The following BCAS3 variants were observed in gnomAD, a reference collection of about 807,000 sequenced individuals.
BCAS3 encodes BCAS3 microtubule associated cell migration factor.
Under a neutral mutation model 116.1 loss-of-function variants are expected in BCAS3, and 53 were observed. That is an observed-to-expected ratio of 0.46 (90% CI 0.37 to 0.57). The LOEUF (loss-of-function observed/expected upper bound fraction) is 0.57, where lower values mean the gene tolerates loss of function less well. Among genes scored for constraint, BCAS3 ranks in the 20% least tolerant of loss-of-function variants. The pLI, the probability that BCAS3 is intolerant of heterozygous loss-of-function variation, is 0.00. For missense variants in BCAS3, 917 were observed against 1,165.4 expected, an observed-to-expected ratio of 0.79 and a Z score of 3.10; for synonymous variants, 391 against 408.2, an observed-to-expected ratio of 0.96 and a Z score of 0.51.
rs2033679923 is a variant in BCAS3 at position 60,684,168 on chromosome 17, A to G, written c.138+132A>G. On this transcript the variant is annotated intron_variant, in intron 3 of 23. Transcript: ENST00000407086. ...ATGTTTTAGCATCCTGAGCATTCGT[A>G]GGGTGGGACTACATTATTGTTTAGA... 4 of 746,628 alleles carry G rather than the reference A, an allele frequency of 5.4e-6. No individual in the cohort carries two copies. The Admixed American group carries it at 6.5e-5, about 12-fold the overall frequency. The allele number at this position is 746,628 out of a possible 1,614,324, so 46.3% of individuals were successfully genotyped here. A position where few individuals can be genotyped will look rare whatever the true frequency, so the allele number is the denominator to read the frequency against.
chr17:61,252,937 T>G (rs895406914), intron 22 of BCAS3, among the ~76,000 whole-genome samples: 1 of 149,548 alleles, frequency 6.7e-6, no homozygotes, highest in Non-Finnish European at 1.5e-5. Flanking sequence ...TGGAGTGCAG[T>G]GGTGTGATCT....
In BCAS3 at chr17:60,712,774, C is replaced by T. The variant is rs567166533; in HGVS notation, c.321+3449C>T. On this transcript the variant is annotated intron_variant, in intron 5 of 23. Coordinates refer to ENST00000407086, the MANE Select transcript of BCAS3 (RefSeq NM_017679.5). ...TGAGAGCCACATAAAATATGAGACT[C>T]AAAGAAGGGCCAAATGGCTGAAGCT... 3.9e-5 allele frequency among the ~76,000 whole-genome samples: 6 copies of T among 152,224 alleles called. No homozygotes were observed. In the South Asian group the frequency reaches 1.2e-3, roughly 32 times the overall value.
chr17:61,330,321 C>T (rs1447112307), intron 22 of BCAS3, among the ~76,000 whole-genome samples: 1 of 147,800 alleles, frequency 6.8e-6, no homozygotes, highest in East Asian at 2.1e-4. Context: ...TACAGTGGCG[C>T]AATCACGGCT....
Position 60,890,311 on chromosome 17 carries a change from G to A in BCAS3, c.738+540G>A, listed in dbSNP as rs539205424. Among the ~76,000 whole-genome samples, 7 of 152,044 alleles carry A rather than the reference G, an allele frequency of 4.6e-5. No homozygotes were observed. The East Asian group carries it at 7.7e-4, about 17-fold the overall frequency. On this transcript the variant is annotated intron_variant, in intron 10 of 23. Transcript: ENST00000407086. Reference sequence around the variant, plus strand: ...TCTACTAAAAATACAAAAATTAGCCGGGCGTGGTGGCATGCGCCTGTAATC... The same window carrying A: ...TCTACTAAAAATACAAAAATTAGCCAGGCGTGGTGGCATGCGCCTGTAATC...
intron 22 of BCAS3, among the ~76,000 whole-genome samples, chr17:61,085,922 T>G (rs1288320406): frequency 6.6e-6 from 1 of 152,192 alleles, no homozygotes; most frequent in Non-Finnish European, 1.5e-5. Context: ...ATTACAAGAG[T>G]AGGCCTTGAT....
At chr17:61,318,330 T>C (rs143513715) in intron 22 of BCAS3, among the ~76,000 whole-genome samples, 12 of 152,352 alleles carry the variant, frequency 7.9e-5, no homozygotes, top group African/African-American at 2.6e-4. Flanking sequence ...TTGGAAACTT[T>C]CTTCTCAGGC....
chr17:61,347,566 C>A lies in BCAS3; in HGVS notation c.2426-20761C>A, dbSNP rs982837342. ...CCAGATGCTGCCCAGCAGGAACTTACAGTCTAGTGGGAAGAATAGGGCCAT... is the reference window on the plus strand; with the variant it reads ...CCAGATGCTGCCCAGCAGGAACTTAAAGTCTAGTGGGAAGAATAGGGCCAT... On this transcript the variant is annotated intron_variant, in intron 22 of 23. Coordinates refer to ENST00000407086, the MANE Select transcript of BCAS3 (RefSeq NM_017679.5). The surrounding 1 kb of genome is among the most constrained non-coding windows in gnomAD (Gnocchi z 4.3). 1.3e-5 allele frequency among the ~76,000 whole-genome samples: 2 copies of A among 152,210 alleles called. No homozygotes were observed. Among genetic ancestry groups the A allele is most frequent in the African/African-American group, 4.8e-5 (2 of 41,446 alleles).
At chr17:60,889,836 A>T in intron 10 of BCAS3, 65 bp downstream of exon 10, 1 of 1,398,080 alleles carries the variant, frequency 7.2e-7, no homozygotes, top group Non-Finnish European at 1.0e-6. Context: ...TTCCATAAAA[A>T]ATACCTGTGC....
rs778711799 is a variant in BCAS3 at position 61,282,414 on chromosome 17, G to A, written c.2426-85913G>A. Among the ~76,000 whole-genome samples the A allele has an allele frequency of 6.6e-6, 1 of 152,170 alleles. No individual in the cohort carries two copies. Among genetic ancestry groups the A allele is most frequent in the Non-Finnish European group, 1.5e-5 (1 of 68,036 alleles). ...TCCAAACTAGTACCTTTTAAGAGTA[G>A]GATGGTTGGAAAAAGTGGGCAGGAC... On this transcript the variant is annotated intron_variant, in intron 22 of 23. Coordinates refer to ENST00000407086, the MANE Select transcript of BCAS3 (RefSeq NM_017679.5). This position sits in a 1 kb window ranked among gnomAD's most constrained non-coding sequence, Gnocchi z 5.9.
intron 6 of BCAS3, among the ~76,000 whole-genome samples, chr17:60,806,077 A>G (rs142745797): frequency 0.058 from 8,748 of 151,426 alleles, 440 homozygotes; most frequent in African/African-American, 0.13. Context: ...GGGTTTCACC[A>G]TGTTGGCCAG....
chr17:61,345,686 G>A (rs2057463090), intron 22 of BCAS3, among the ~76,000 whole-genome samples: 1 of 152,160 alleles, frequency 6.6e-6, no homozygotes, highest in Non-Finnish European at 1.5e-5. Flanking sequence ...AGGCTAGGAG[G>A]AGCAGAGGTG....
chr17:60,887,213 T>G (rs554657469), intron 9 of BCAS3: 1 of 152,358 alleles, frequency 6.6e-6, no homozygotes, highest in Non-Finnish European at 1.5e-5. Flanking sequence ...ATTTTCCAGG[T>G]GCGTCCGTCA....
At chr17:60,753,604 C>T (rs11079401) in intron 6 of BCAS3, among the ~76,000 whole-genome samples, 109,798 of 151,392 alleles carry the variant, frequency 0.73, 45,508 homozygotes, top group South Asian at 0.98. Context: ...AGGGACGGGG[C>T]TTCACCATGT....
At chr17:61,283,827 A>C (rs377514123) in intron 22 of BCAS3, among the ~76,000 whole-genome samples, 2 of 151,830 alleles carry the variant, frequency 1.3e-5, no homozygotes, top group East Asian at 3.9e-4. Context: ...GCAGTGACGC[A>C]GTCATAGCTC....
At chr17:60,691,323 C>A (rs893423251) in intron 4 of BCAS3, among the ~76,000 whole-genome samples, 4 of 152,116 alleles carry the variant, frequency 2.6e-5, no homozygotes, top group Non-Finnish European at 5.9e-5. Context: ...TGGTTTTCCT[C>A]AGTGAACGTA....
intron 6 of BCAS3, among the ~76,000 whole-genome samples, chr17:60,779,715 A>G (rs1378498823): frequency 1.3e-5 from 2 of 152,132 alleles, no homozygotes; most frequent in Non-Finnish European, 2.9e-5. Context: ...CTTATTATGT[A>G]TATGTAAATA....
intron 14 of BCAS3, among the ~76,000 whole-genome samples, chr17:60,953,541 C>A (rs1416102732): frequency 6.6e-6 from 1 of 151,752 alleles, no homozygotes; most frequent in Non-Finnish European, 1.5e-5. Context: ...TTGATTGTTT[C>A]TTTTGCTGTG....
rs139829559 is a variant in BCAS3, at chr17:61,337,977, A to G, written c.2426-30350A>G. On this transcript the variant is annotated intron_variant, in intron 22 of 23. Coordinates refer to ENST00000407086, the MANE Select transcript of BCAS3 (RefSeq NM_017679.5). This position sits in a 1 kb window ranked among gnomAD's most constrained non-coding sequence, Gnocchi z 4.8. The stretch of plus-strand genomic sequence containing the variant: ...GTATTGTTAGTCTGGGTTCTGACTT[A>G]GGAACTGCAGCGTCCCTTCTGTGTT... Among the ~76,000 whole-genome samples the G allele has an allele frequency of 2.1e-3, 322 of 152,318 alleles. 1 individual carries two copies. Among genetic ancestry groups the G allele is most frequent in the African/African-American group, 7.4e-3 (309 of 41,578 alleles).
At chr17:60,762,807 G>A (rs1598529161) in intron 6 of BCAS3, among the ~76,000 whole-genome samples, 1 of 151,908 alleles carries the variant, frequency 6.6e-6, no homozygotes, top group Admixed American at 6.6e-5. Context: ...CCATTTTCAC[G>A]ATATTGATTC....
Sources: gnomAD v4.1 joint callset for allele counts (sites outside exome capture counted in the v4.1 genomes callset) on GRCh38, gnomAD v4.1.1 for gene constraint, Gnocchi (gnomAD v3.1) non-coding constraint, MANE v1.5 for transcripts, NCBI Gene and HGNC (gene_info 2026-07-23, HGNC 2026-07-21) for gene names.